Variants in CRACDL observed in about 807,000 individuals in gnomAD.
The protein encoded by CRACDL is CRACD like.
CRACDL carries 26 observed loss-of-function variants against 70.6 expected under a neutral mutation model. The ratio of observed to expected loss-of-function variants is 0.37; its 90% CI spans 0.27 to 0.51. CRACDL has a LOEUF of 0.51. Ranked by LOEUF, CRACDL falls within the 20% of genes least tolerant of loss-of-function variation. The pLI, the probability that CRACDL is intolerant of heterozygous loss-of-function variation, is 0.94. For synonymous variants in CRACDL, 618 were observed against 615.2 expected (o/e 1.00, Z -0.07); for missense variants, 1,283 against 1,376.9 (o/e 0.93, Z 1.08).
chr2:98,862,085 T>C (rs1706961554), intron 1 of CRACDL, among the ~76,000 whole-genome samples: 1 of 152,198 alleles, frequency 6.6e-6, no homozygotes, highest in Non-Finnish European at 1.5e-5. Flanking sequence ...ACTTTTCTTG[T>C]TTCTCATTCT....
At chr2:98,798,276 T>C (rs1575315484) in intron 7 of CRACDL, among the ~76,000 whole-genome samples, 2 of 149,930 alleles carry the variant, frequency 1.3e-5, no homozygotes, top group Admixed American at 1.3e-4. Flanking sequence ...ACTTGGGAGG[T>C]GGAGGTTGCA....
intron 1 of CRACDL, among the ~76,000 whole-genome samples, chr2:98,853,022 G>A: frequency 7.8e-6 from 1 of 127,612 alleles, no homozygotes; most frequent in East Asian, 2.7e-4. Flanking sequence ...GGAGGGGAAG[G>A]GAAGGGAAAG....
rs1703711821 is a variant in CRACDL, at chr2:98,794,312, T to C, written c.*220A>G. On this transcript the variant is annotated 3_prime_UTR_variant, in exon 10 of 10. Transcript: ENST00000397899. The stretch of plus-strand genomic sequence containing the variant: ...GGCACAGGAACTGGTTCCTGGACTT[T>C]TTCAATGTTGTTCTTGTTTCTGGGC... The C allele has an allele frequency of 2.2e-6, 1 of 445,630 alleles. No homozygotes were observed. The highest frequency in any genetic ancestry group is 4.0e-5 in the Admixed American group (1 of 25,304). 27.6% of individuals were successfully genotyped at this position (445,630 alleles called of 1,614,324 possible).
At chr2:98,921,342 G>A (rs765526177) in intron 1 of CRACDL, among the ~76,000 whole-genome samples, 13 of 152,242 alleles carry the variant, frequency 8.5e-5, no homozygotes, top group Non-Finnish European at 1.5e-4. Flanking sequence ...TCCCAGGTGA[G>A]CGCACCTCCA....
intron 5 of CRACDL, among the ~76,000 whole-genome samples, chr2:98,829,620 T>C (rs1003788461): frequency 6.6e-6 from 1 of 152,206 alleles, no homozygotes; most frequent in Non-Finnish European, 1.5e-5. Context: ...TGGATGATTC[T>C]GAAAGCAGAG....
intron 1 of CRACDL, among the ~76,000 whole-genome samples, chr2:98,911,160 C>T (rs913485979): frequency 3.3e-5 from 5 of 152,220 alleles, no homozygotes; most frequent in Admixed American, 2.6e-4. Flanking sequence ...CCCTCTTCTG[C>T]TTTCTGGGCC....
At chr2:98,881,434 C>T (rs964090646) in intron 1 of CRACDL, among the ~76,000 whole-genome samples, 4 of 152,204 alleles carry the variant, frequency 2.6e-5, no homozygotes, top group African/African-American at 9.7e-5. Flanking sequence ...TGTTCTCAAC[C>T]CCAGCTGCAC....
At chr2:98,875,758 A>G (rs1425595757) in intron 1 of CRACDL, among the ~76,000 whole-genome samples, 3 of 152,256 alleles carry the variant, frequency 2.0e-5, no homozygotes, top group Non-Finnish European at 4.4e-5. Flanking sequence ...ACAGAAATAC[A>G]TGTTCCATAC....
chr2:98,898,025 A>G (rs75749577), intron 1 of CRACDL, among the ~76,000 whole-genome samples: 2,308 of 152,366 alleles, frequency 0.015, 49 homozygotes, highest in African/African-American at 0.052. Flanking sequence ...CAGCTGGGGA[A>G]GCTGCTAAGG....
At chr2:98,841,443 G>A (rs1473025193) in intron 2 of CRACDL, among the ~76,000 whole-genome samples, 3 of 151,916 alleles carry the variant, frequency 2.0e-5, no homozygotes, top group African/African-American at 7.3e-5. Flanking sequence ...TTTGATTACA[G>A]GTCAATACAA....
At chr2:98,845,401 C>A (rs1315278769) in intron 2 of CRACDL, among the ~76,000 whole-genome samples, 5 of 151,954 alleles carry the variant, frequency 3.3e-5, no homozygotes, top group Admixed American at 6.6e-5. Flanking sequence ...TCTCACTATG[C>A]CCAAGCTGGT....
At chr2:98,873,381 G>A (rs572453784) in intron 1 of CRACDL, among the ~76,000 whole-genome samples, 2 of 152,330 alleles carry the variant, frequency 1.3e-5, no homozygotes, top group South Asian at 4.1e-4. Flanking sequence ...AAGTCAGCAC[G>A]GGTGCCTAGA....
intron 1 of CRACDL, among the ~76,000 whole-genome samples, chr2:98,921,466 T>A (rs1045489586): frequency 7.2e-5 from 11 of 152,270 alleles, no homozygotes; most frequent in African/African-American, 2.7e-4. Context: ...TGTATTATGG[T>A]GTTCCCTCAG....
chr2:98,863,669 T>C (rs1251826642), intron 1 of CRACDL, among the ~76,000 whole-genome samples: 1 of 152,182 alleles, frequency 6.6e-6, no homozygotes, highest in Non-Finnish European at 1.5e-5. Context: ...ACCCAGTCAA[T>C]AGAAACCATC....
At chr2:98,866,865 C>T (rs1317518586) in intron 1 of CRACDL, among the ~76,000 whole-genome samples, 1 of 152,086 alleles carries the variant, frequency 6.6e-6, no homozygotes, top group Non-Finnish European at 1.5e-5. Flanking sequence ...TATGACTCAG[C>T]TAGACAATGT....
intron 1 of CRACDL, among the ~76,000 whole-genome samples, chr2:98,847,231 T>C (rs989956414): frequency 6.6e-6 from 1 of 152,234 alleles, no homozygotes; most frequent in Admixed American, 6.5e-5. Flanking sequence ...CTTCCAATAA[T>C]TTTTTACGCA....
At chr2:98,796,943 G>A (rs759116955) in intron 8 of CRACDL, among the ~76,000 whole-genome samples, 3 of 152,202 alleles carry the variant, frequency 2.0e-5, no homozygotes, top group South Asian at 2.1e-4. Context: ...AGCAGGGCTC[G>A]CTCCTCACAG....
chr2:98,804,444 A>C (rs1704206098), intron 7 of CRACDL, among the ~76,000 whole-genome samples: 1 of 152,238 alleles, frequency 6.6e-6, no homozygotes, highest in South Asian at 2.1e-4. Flanking sequence ...CGTGCAGGGC[A>C]GCAAAACATT....
At chr2:98,836,779 C>T (rs1366768505) in intron 3 of CRACDL, among the ~76,000 whole-genome samples, 1 of 152,084 alleles carries the variant, frequency 6.6e-6, no homozygotes, top group Non-Finnish European at 1.5e-5. Flanking sequence ...GTTCAGAGAA[C>T]CGCCTAAAAA....
Sources: allele counts gnomAD v4.1 joint callset (sites outside exome capture counted in the v4.1 genomes callset), GRCh38; gene constraint gnomAD v4.1.1; transcripts MANE v1.5; gene names NCBI Gene and HGNC (gene_info 2026-07-23, HGNC 2026-07-21).